GTF2B: variants seen among roughly 807,000 people sequenced by gnomAD.
GTF2B encodes the protein transcription initiation factor IIB.
GTF2B carries 20 observed loss-of-function variants against 34.6 expected under a neutral mutation model. The ratio of observed to expected loss-of-function variants is 0.58; its 90% CI spans 0.41 to 0.84. GTF2B has a LOEUF of 0.84. GTF2B is among the 40% of genes least tolerant of loss of function. The pLI is 0.00. For synonymous variants in GTF2B, 142 were observed against 132.4 expected, an observed-to-expected ratio of 1.07 and a Z score of -0.50; for missense variants, 237 against 393.3, an observed-to-expected ratio of 0.60 and a Z score of 3.36.
intron 1 of GTF2B, among the ~76,000 whole-genome samples, chr1:88,888,289 A>G (rs528443563): frequency 1.3e-5 from 2 of 152,326 alleles, no homozygotes; most frequent in East Asian, 3.9e-4. Flanking sequence ...AGCAAATACA[A>G]TTCAGAATGT....
chr1:88,875,002 G>A (rs1471952226), intron 2 of GTF2B, among the ~76,000 whole-genome samples: 1 of 151,492 alleles, frequency 6.6e-6, no homozygotes, highest in African/African-American at 2.4e-5. Flanking sequence ...TAATGTTGAT[G>A]ATGAAATGTA....
At position 88,891,567 on chromosome 1, in the gene GTF2B, C is replaced by A; in HGVS notation, c.-68G>T. On this transcript the variant is annotated 5_prime_UTR_variant, in exon 1 of 7. Transcript: ENST00000370500. ...CACCGAAAGCAGGAAGCGAATGTGG[C>A]GAAGAGACGCGCAGAGATGAGTTTT... is the stretch of plus-strand genomic sequence containing the variant. 7.2e-7 allele frequency: 1 copy of A among 1,390,440 alleles called. No homozygotes were observed. The highest frequency in any genetic ancestry group is 1.0e-6 in the Non-Finnish European group (1 of 994,752). The allele number at this position is 1,390,440 out of a possible 1,614,324, so 86.1% of individuals were successfully genotyped here.
chr1:88,856,693 T>A (rs1167898495), intron 6 of GTF2B, among the ~76,000 whole-genome samples: 1 of 151,992 alleles, frequency 6.6e-6, no homozygotes, highest in Non-Finnish European at 1.5e-5. Context: ...GGGAAAAAAA[T>A]TAGGTTTGTT....
At chr1:88,872,856 C>T (rs1245830585) in intron 2 of GTF2B, among the ~76,000 whole-genome samples, 1 of 152,172 alleles carries the variant, frequency 6.6e-6, no homozygotes. Flanking sequence ...TAATAGAAAT[C>T]TTCCATAATA....
intron 2 of GTF2B, among the ~76,000 whole-genome samples, chr1:88,867,433 A>C (rs1673586420): frequency 6.6e-6 from 1 of 152,242 alleles, no homozygotes. Context: ...CCATGCACTT[A>C]TGTCCAAAGA....
At chr1:88,858,216 G>T (rs1673362783) in intron 5 of GTF2B, among the ~76,000 whole-genome samples, 1 of 151,832 alleles carries the variant, frequency 6.6e-6, no homozygotes, top group Admixed American at 6.6e-5. Context: ...GGCCAGGCTG[G>T]TCTTGAACTC....
At chr1:88,874,923 T>C (rs1365046362) in intron 2 of GTF2B, among the ~76,000 whole-genome samples, 14 of 146,618 alleles carry the variant, frequency 9.5e-5, no homozygotes, top group Admixed American at 8.6e-4. Context: ...TATTTTTACA[T>C]TTAAAGTAAA....
At chr1:88,883,686 T>C (rs1673995681) in intron 2 of GTF2B, among the ~76,000 whole-genome samples, 1 of 152,072 alleles carries the variant, frequency 6.6e-6, no homozygotes, top group South Asian at 2.1e-4. Flanking sequence ...AGAACTGATA[T>C]TGATAGTTAC....
At chr1:88,867,038 TA>T (rs1163720533) in intron 2 of GTF2B, among the ~76,000 whole-genome samples, 1 of 152,168 alleles carries the variant, frequency 6.6e-6, no homozygotes, top group Non-Finnish European at 1.5e-5. Flanking sequence ...AAAAGATACT[TA>T]AAAGTATCAT....
At chr1:88,879,994 GGTT>G (rs1287546047) in intron 2 of GTF2B, among the ~76,000 whole-genome samples, 1 of 152,050 alleles carries the variant, frequency 6.6e-6, no homozygotes, top group Non-Finnish European at 1.5e-5. Flanking sequence ...GGGAGGTGGA[GGTT>G]GTAGTGAGCA....
intron 2 of GTF2B, among the ~76,000 whole-genome samples, chr1:88,869,128 A>G (rs1673629483): frequency 1.3e-5 from 2 of 152,080 alleles, no homozygotes; most frequent in Non-Finnish European, 1.5e-5. Context: ...ATGTACAGAC[A>G]TTTTTTTCTT....
intron 3 of GTF2B, among the ~76,000 whole-genome samples, chr1:88,863,651 A>T (rs1426056609): frequency 6.6e-6 from 1 of 152,202 alleles, no homozygotes; most frequent in Non-Finnish European, 1.5e-5. Context: ...CATGATGCCC[A>T]GCTGAGAAGA....
At chr1:88,856,191 C>G (rs1438016902) in intron 6 of GTF2B, among the ~76,000 whole-genome samples, 1 of 142,638 alleles carries the variant, frequency 7.0e-6, no homozygotes, top group East Asian at 2.3e-4. Context: ...AATAGCTTGT[C>G]CGGGAGGTGG....
chr1:88,879,889 C>T (rs906955169), intron 2 of GTF2B, among the ~76,000 whole-genome samples: 1 of 151,850 alleles, frequency 6.6e-6, no homozygotes, highest in Non-Finnish European at 1.5e-5. Context: ...AACCCCGTCT[C>T]TACTAAAAAT....
intron 6 of GTF2B, among the ~76,000 whole-genome samples, chr1:88,856,291 C>CAAAAAAAA (rs1162915523): frequency 1.3e-4 from 11 of 86,144 alleles, no homozygotes; most frequent in Non-Finnish European, 2.4e-4. Flanking sequence ...AAAAAAAAAA[C>CAAAAAAAA]AAAAAAAAAA....
intron 5 of GTF2B, 138 bp downstream of exon 5, chr1:88,859,744 G>A (rs572012473): frequency 5.8e-5 from 38 of 653,470 alleles, no homozygotes; most frequent in Admixed American, 4.0e-4. Context: ...GCTGAGGCAG[G>A]AGTATAGCTT....
At chr1:88,866,196 T>C (rs1265548435) in intron 2 of GTF2B, among the ~76,000 whole-genome samples, 3 of 151,738 alleles carry the variant, frequency 2.0e-5, no homozygotes, top group Non-Finnish European at 4.4e-5. Flanking sequence ...ACCCTGTCTC[T>C]ACAAAAAAAT....
chr1:88,876,888 C>T (rs1266141245), intron 2 of GTF2B, among the ~76,000 whole-genome samples: 1 of 152,174 alleles, frequency 6.6e-6, no homozygotes. Context: ...AAAGCCAACC[C>T]TCAATTCTAG....
intron 2 of GTF2B, among the ~76,000 whole-genome samples, chr1:88,866,667 C>G (rs1446348101): frequency 6.6e-6 from 1 of 152,198 alleles, no homozygotes; most frequent in Non-Finnish European, 1.5e-5. Flanking sequence ...CTCGGCCTCC[C>G]CAAGTGCTGG....
Sources: allele counts gnomAD v4.1 joint callset (sites outside exome capture counted in the v4.1 genomes callset), GRCh38; gene constraint gnomAD v4.1.1; transcripts MANE v1.5; gene names NCBI Gene and HGNC (gene_info 2026-07-23, HGNC 2026-07-21).